RPIA: variants seen among roughly 807,000 people sequenced by gnomAD.
RPIA encodes the protein ribose 5-phosphate isomerase A.
A neutral mutation model predicts 37.8 loss-of-function variants in RPIA; 29 were observed. The ratio of observed to expected loss-of-function variants is 0.77; its 90% CI spans 0.57 to 1.05. The LOEUF (loss-of-function observed/expected upper bound fraction) is 1.05. Among genes scored for constraint, RPIA ranks in the 50% least tolerant of loss-of-function variants. The pLI is 0.00. For synonymous variants in RPIA, 167 were observed against 157.0 expected (o/e 1.06, Z -0.48); for missense variants, 385 against 413.6 (o/e 0.93, Z 0.60).
Position 88,738,105 on chromosome 2 carries a change from TAC to T in RPIA, c.838+34_838+35del, listed in dbSNP as rs765928346. ...ACATGAGTGGTGTTCACCAGTCATA[TAC>T]ACACCCATGGCCTTCATAACTGGCC... On this transcript the variant is annotated intron_variant, in intron 8 of 8. Transcript: ENST00000283646. 4 of 1,508,176 alleles carry T rather than the reference TAC, an allele frequency of 2.7e-6. No individual in the cohort carries two copies. In the African/African-American group the frequency reaches 5.5e-5, roughly 21 times the overall value. 93.4% of individuals were successfully genotyped at this position (1,508,176 alleles called of 1,614,324 possible).
At chr2:88,694,126 G>A (rs938984272) in intron 1 of RPIA, among the ~76,000 whole-genome samples, 6 of 152,258 alleles carry the variant, frequency 3.9e-5, no homozygotes, top group Admixed American at 6.5e-5. Context: ...CCATTAGAAT[G>A]GGGCCACTCC....
At chr2:88,748,505 T>G (rs529129104) in intron 8 of RPIA, among the ~76,000 whole-genome samples, 1 of 152,354 alleles carries the variant, frequency 6.6e-6, no homozygotes, top group East Asian at 1.9e-4. Context: ...CAACAGTGTG[T>G]GCAGGTATCT....
intron 3 of RPIA, among the ~76,000 whole-genome samples, chr2:88,727,151 A>T (rs1443440206): frequency 6.6e-6 from 1 of 152,202 alleles, no homozygotes; most frequent in Non-Finnish European, 1.5e-5. Context: ...GGAGCATGCC[A>T]GTCTGCAGCC....
chr2:88,736,434 T>C, intron 6 of RPIA, 101 bp from the exon 7 acceptor site: 1 of 1,295,464 alleles, frequency 7.7e-7, no homozygotes, highest in South Asian at 1.2e-5. Flanking sequence ...TCACTTTCCT[T>C]GCCTTCCCAC....
At chr2:88,696,091 T>C (rs1297201635) in intron 1 of RPIA, among the ~76,000 whole-genome samples, 1 of 152,214 alleles carries the variant, frequency 6.6e-6, no homozygotes, top group Non-Finnish European at 1.5e-5. Flanking sequence ...AGGATTTTAG[T>C]TGTGGCCCTG....
intron 3 of RPIA, among the ~76,000 whole-genome samples, chr2:88,701,195 C>A (rs1168130274): frequency 6.6e-6 from 1 of 150,900 alleles, no homozygotes; most frequent in Non-Finnish European, 1.5e-5. Context: ...AGACCTTAAA[C>A]AAGGTGGATG....
chr2:88,720,505 T>G lies in RPIA; in HGVS notation c.403-8773T>G, dbSNP rs184741527. On this transcript the variant is annotated intron_variant, in intron 3 of 8. Transcript: ENST00000283646. ...TTGGAGAACATTATTACTTTGCTCC[T>G]TTTAAAAGGGGAGAAAAAACTGAAA... Among the ~76,000 whole-genome samples, 295 of 151,956 alleles carry G rather than the reference T, an allele frequency of 1.9e-3. 2 individuals carry two copies. Among genetic ancestry groups the G allele is most frequent in the African/African-American group, 7.0e-3 (290 of 41,496 alleles).
intron 7 of RPIA, 145 bp from the exon 8 acceptor site, chr2:88,737,832 A>G (rs1673333949): frequency 1.5e-6 from 1 of 666,134 alleles, no homozygotes; most frequent in Non-Finnish European, 2.8e-6. Flanking sequence ...GCTCCTGCTT[A>G]TTACCACTTC....
intron 4 of RPIA, among the ~76,000 whole-genome samples, chr2:88,733,492 G>A (rs1673277320): frequency 6.6e-6 from 1 of 152,144 alleles, no homozygotes; most frequent in South Asian, 2.1e-4. Context: ...TGAAGAGAGT[G>A]GTTTGGGCTG....
chr2:88,699,350 C>G (rs920203700), intron 2 of RPIA, among the ~76,000 whole-genome samples: 34 of 151,774 alleles, frequency 2.2e-4, no homozygotes, highest in African/African-American at 8.2e-4. Flanking sequence ...CCAAGATGCA[C>G]TCAGTGATTA....
At chr2:88,697,473 C>T (rs1193456018) in intron 1 of RPIA, among the ~76,000 whole-genome samples, 2 of 152,196 alleles carry the variant, frequency 1.3e-5, no homozygotes, top group East Asian at 3.9e-4. Flanking sequence ...CATATTAGTT[C>T]CTGACTGTTA....
chr2:88,738,109 C>A lies in RPIA; in HGVS notation c.838+33C>A, dbSNP rs375154564. 5.4e-6 allele frequency: 8 copies of A among 1,478,714 alleles called. No homozygotes were observed. The African/African-American group carries it at 9.7e-5, about 18-fold the overall frequency. 91.6% of individuals were successfully genotyped at this position (1,478,714 alleles called of 1,614,324 possible). A position where few individuals can be genotyped will look rare whatever the true frequency, so the allele number is the denominator to read the frequency against. On this transcript the variant is annotated intron_variant, in intron 8 of 8. Transcript: ENST00000283646. ...GAGTGGTGTTCACCAGTCATATACA[C>A]ACCCATGGCCTTCATAACTGGCCCC...
chr2:88,737,167 A>G (rs1186934219), intron 7 of RPIA, among the ~76,000 whole-genome samples: 1 of 152,192 alleles, frequency 6.6e-6, no homozygotes, highest in African/African-American at 2.4e-5. Flanking sequence ...AGATGGTCCA[A>G]ATTTTTCGTG....
At chr2:88,736,214 C>T (rs773231060) in intron 6 of RPIA, among the ~76,000 whole-genome samples, 16 of 152,202 alleles carry the variant, frequency 1.1e-4, no homozygotes, top group Non-Finnish European at 2.1e-4. Flanking sequence ...GTCAAAAGCA[C>T]TTGTGCTGAG....
intron 3 of RPIA, among the ~76,000 whole-genome samples, chr2:88,706,715 AG>A (rs1276238611): frequency 1.3e-5 from 2 of 152,016 alleles, no homozygotes; most frequent in Non-Finnish European, 2.9e-5. Context: ...AAAAAAAAAA[AG>A]AAATTAAGGG....
intron 8 of RPIA, among the ~76,000 whole-genome samples, chr2:88,743,294 A>T (rs1673404062): frequency 6.6e-6 from 1 of 152,048 alleles, no homozygotes; most frequent in Admixed American, 6.5e-5. Flanking sequence ...TATTGAGATG[A>T]TCGTATGATT....
Position 88,691,913 on chromosome 2 carries a change from C to G in RPIA, c.215C>G (p.Pro72Arg), listed in dbSNP as rs750097642. The G allele has an allele frequency of 8.4e-5, 134 of 1,595,162 alleles. No homozygotes were observed. Among genetic ancestry groups the G allele is most frequent in the Non-Finnish European group, 1.1e-4 (125 of 1,171,800 alleles). The change falls in exon 1 of 9, where the codon CCC (proline) becomes CGC (arginine). Residue 72 changes from proline (P) to arginine (R), a missense_variant. By Grantham distance (103) the Pro-to-Arg change is moderately radical. Coordinates refer to ENST00000283646, the MANE Select transcript of RPIA (RefSeq NM_144563.3). The part of the protein sequence containing the change: ...CGDSNSICPA[P>R]STMSKAEEAK... The stretch of plus-strand genomic sequence containing the variant: ...GACTCCAACAGCATCTGCCCGGCCC[C>G]CTCCACGATGTCCAAGGCCGAGGAG...
intron 8 of RPIA, among the ~76,000 whole-genome samples, chr2:88,747,438 A>G (rs1159233692): frequency 6.6e-6 from 1 of 152,082 alleles, no homozygotes; most frequent in African/African-American, 2.4e-5. Flanking sequence ...TTGTATCTGC[A>G]CTTCCCATTT....
intron 3 of RPIA, among the ~76,000 whole-genome samples, chr2:88,721,943 T>A (rs867029357): frequency 1.9e-4 from 29 of 151,524 alleles, no homozygotes; most frequent in Middle Eastern, 3.4e-3. Context: ...CATTATAATT[T>A]GTGTTTAATT....
Sources: gnomAD v4.1 joint callset for allele counts (sites outside exome capture counted in the v4.1 genomes callset) on GRCh38, gnomAD v4.1.1 for gene constraint, MANE v1.5 for transcripts, NCBI Gene and HGNC (gene_info 2026-07-23, HGNC 2026-07-21) for gene names.